SPRY4: variants seen among roughly 807,000 people sequenced by gnomAD.
SPRY4 encodes sprouty RTK signaling antagonist 4.
A neutral mutation model predicts 17.0 loss-of-function variants in SPRY4; 7 were observed. That is an observed-to-expected ratio of 0.41 (90% CI 0.23 to 0.77). The LOEUF (loss-of-function observed/expected upper bound fraction) is 0.77. Among genes scored for constraint, SPRY4 ranks in the 30% least tolerant of loss-of-function variants. SPRY4 has a pLI of 0.32. For synonymous variants in SPRY4, 183 were observed against 174.1 expected (o/e 1.05, Z -0.40); for missense variants, 435 against 419.9 (o/e 1.04, Z -0.31).
rs575769778 is a variant in SPRY4 at position 142,317,554 on chromosome 5, A to G, written c.-47-2399T>C. On this transcript the variant is annotated intron_variant, in intron 1 of 1. Coordinates refer to ENST00000434127, the MANE Select transcript of SPRY4 (RefSeq NM_001127496.3). ...ATATAGTTGGGTTTTGTCTCTCAGG[A>G]CCAGGATTGGGTCTGGTCATGCTGT... is the stretch of plus-strand genomic sequence containing the variant. The G allele has an allele frequency of 3.9e-3, 3,800 of 985,018 alleles. 9 individuals are homozygous for G. Among genetic ancestry groups the G allele is most frequent in the Non-Finnish European group, 4.3e-3 (3,583 of 829,882 alleles). The allele number at this position is 985,018 out of a possible 1,614,324, so 61.0% of individuals were successfully genotyped here. A position where few individuals can be genotyped will look rare whatever the true frequency, so the allele number is the denominator to read the frequency against.
At position 142,314,285 on chromosome 5, in the gene SPRY4, C is replaced by G; in HGVS notation, c.824G>C (p.Cys275Ser). ...GCAGATGACGCTGTTCGTGTGCTTG[C>G]AGCGGCAACCAGGGCGGCGCAGACG... ...YDRLRRPGCR[C>S]KHTNSVICKA... Residue 275 changes from cysteine (C) to serine (S), a missense_variant, in exon 2 of 2, where the codon TGC (cysteine) becomes TCC (serine). Transcript: ENST00000434127. The surrounding 1 kb of genome is among the most constrained non-coding windows in gnomAD (Gnocchi z 4.8). 1 of 1,613,764 alleles carries G rather than the reference C, an allele frequency of 6.2e-7. No homozygotes were observed. The highest frequency in any genetic ancestry group is 8.5e-7 in the Non-Finnish European group (1 of 1,179,984).
In SPRY4 at chr5:142,312,693, C is replaced by T. The variant is rs138374799; in HGVS notation, c.*1516G>A. ...AATACCACACAAAGCAAGAACCCCA[C>T]ACAAAAGCTGGGGAGGAAGGACCAG... On this transcript the variant is annotated 3_prime_UTR_variant, in exon 2 of 2. Coordinates refer to ENST00000434127, the MANE Select transcript of SPRY4 (RefSeq NM_001127496.3). 3 of 152,596 alleles carry T rather than the reference C, an allele frequency of 2.0e-5. No individual in the cohort carries two copies. The highest frequency in any genetic ancestry group is 7.2e-5 in the African/African-American group (3 of 41,574). 9.5% of individuals were successfully genotyped at this position (152,596 alleles called of 1,614,324 possible). A position where few individuals can be genotyped will look rare whatever the true frequency, so the allele number is the denominator to read the frequency against.
At chr5:142,315,324 T>C (rs779463170) in intron 1 of SPRY4, 169 bp from the exon 2 acceptor site, 21 of 576,256 alleles carry the variant, frequency 3.6e-5, no homozygotes, top group Non-Finnish European at 5.2e-5. Context: ...TGATTAATAA[T>C]GACAAGAAGT....
Sources: allele counts gnomAD v4.1 joint callset, GRCh38; gene constraint gnomAD v4.1.1; non-coding constraint Gnocchi (gnomAD v3.1); transcripts MANE v1.5; gene names NCBI Gene and HGNC (gene_info 2026-07-23, HGNC 2026-07-21).